Variants in RGS7 observed in about 807,000 individuals in gnomAD.
RGS7 encodes regulator of G-protein signaling 7.
RGS7 carries 27 observed loss-of-function variants against 81.1 expected under a neutral mutation model. That is an observed-to-expected ratio of 0.33 (90% CI 0.25 to 0.46). The LOEUF (loss-of-function observed/expected upper bound fraction) is 0.46. Among genes scored for constraint, RGS7 ranks in the 20% least tolerant of loss-of-function variants. The pLI is 1.00. For missense variants in RGS7, 396 were observed against 607.4 expected (o/e 0.65, Z 3.66); for synonymous variants, 208 against 207.7 (o/e 1.00, Z -0.01).
chr1:240,999,789 G>C (rs917052395), intron 3 of RGS7, among the ~76,000 whole-genome samples: 1 of 151,480 alleles, frequency 6.6e-6, no homozygotes, highest in Non-Finnish European at 1.5e-5. Flanking sequence ...TCCCAGTAGA[G>C]ACGGGGTTTC....
intron 5 of RGS7, among the ~76,000 whole-genome samples, chr1:240,936,198 T>G (rs976526655): frequency 1.3e-5 from 2 of 152,222 alleles, no homozygotes; most frequent in Admixed American, 6.5e-5. Context: ...GAGAGTTTAT[T>G]AATTAGCTGA....
rs1438963373 is a variant in RGS7, at chr1:240,986,881, C to CTAATT, written c.176-3753_176-3752insAATTA. Among the ~76,000 whole-genome samples, 4 of 1,368 alleles carry CTAATT rather than the reference C, an allele frequency of 2.9e-3. 1 individual carries two copies. The highest frequency in any genetic ancestry group is 2.8e-3 in the Non-Finnish European group (2 of 714). The allele number at this position is 1,368 out of a possible 152,430, so 0.9% of individuals were successfully genotyped here. A position where few individuals can be genotyped will look rare whatever the true frequency, so the allele number is the denominator to read the frequency against. ...ACAGGCGTGAGCCACCGCGCCCGGC[C>CTAATT]TAAACACCACTATTATTAAACATGA... On this transcript the variant is annotated intron_variant, in intron 3 of 18. Transcript: ENST00000440928.
intron 3 of RGS7, among the ~76,000 whole-genome samples, chr1:241,058,114 G>T (rs1350797365): frequency 6.6e-6 from 1 of 152,126 alleles, no homozygotes; most frequent in Non-Finnish European, 1.5e-5. Flanking sequence ...ACCTGAAACT[G>T]GTTATCATCA....
chr1:241,229,625 A>C (rs2686231), intron 2 of RGS7, among the ~76,000 whole-genome samples: 27,254 of 152,194 alleles, frequency 0.18, 3,009 homozygotes, highest in African/African-American at 0.32. Flanking sequence ...TAAAATATTG[A>C]AAGAGCTTTT....
intron 18 of RGS7, among the ~76,000 whole-genome samples, chr1:240,796,453 A>G (rs1251572506): frequency 6.6e-6 from 1 of 152,142 alleles, no homozygotes; most frequent in Non-Finnish European, 1.5e-5. Context: ...TGGGAAGCTG[A>G]GGTGGGCAGA....
At chr1:241,254,067 G>T (rs1297584831) in intron 2 of RGS7, among the ~76,000 whole-genome samples, 2 of 152,056 alleles carry the variant, frequency 1.3e-5, no homozygotes, top group Non-Finnish European at 2.9e-5. Context: ...GGATGTAGTG[G>T]TGGGCGCCTG....
At chr1:241,210,153 A>ATT (rs1181238563) in intron 2 of RGS7, among the ~76,000 whole-genome samples, 22 of 151,848 alleles carry the variant, frequency 1.4e-4, no homozygotes, top group African/African-American at 5.1e-4. Context: ...ATATATATAT[A>ATT]TATTTTTTCT....
chr1:241,306,465 C>A (rs373665491), intron 2 of RGS7, among the ~76,000 whole-genome samples: 1 of 150,052 alleles, frequency 6.7e-6, no homozygotes. Context: ...CATATGCACA[C>A]GTCCACTCAC....
At chr1:240,876,288 C>T (rs1018201484) in intron 6 of RGS7, among the ~76,000 whole-genome samples, 8 of 152,218 alleles carry the variant, frequency 5.3e-5, no homozygotes, top group South Asian at 4.1e-4. Context: ...AGATAAGGCG[C>T]GGTCACCCCT....
intron 5 of RGS7, among the ~76,000 whole-genome samples, chr1:240,935,592 C>T (rs1290650106): frequency 6.6e-6 from 1 of 152,112 alleles, no homozygotes; most frequent in Non-Finnish European, 1.5e-5. Flanking sequence ...AGAAATGAGT[C>T]CAAGGAAGGG....
intron 18 of RGS7, among the ~76,000 whole-genome samples, chr1:240,793,611 A>ATATTTTTTTTTTT: frequency 7.6e-5 from 6 of 78,872 alleles, no homozygotes; most frequent in African/African-American, 5.8e-4. Flanking sequence ...ATATATATAT[A>ATATTTTTTTTTTT]TTTTTTTTTT....
chr1:241,169,406 C>T (rs536506763), intron 2 of RGS7, among the ~76,000 whole-genome samples: 147 of 133,304 alleles, frequency 1.1e-3, no homozygotes, highest in African/African-American at 3.8e-3. Context: ...TGCAGTGGCG[C>T]GATCTTGGGT....
intron 2 of RGS7, among the ~76,000 whole-genome samples, chr1:241,333,172 G>A (rs568462374): frequency 1.3e-5 from 2 of 152,280 alleles, no homozygotes; most frequent in South Asian, 4.2e-4. Context: ...TAAAGGCATC[G>A]ACTGCTACAA....
chr1:241,304,241 C>T (rs940290973), intron 2 of RGS7, among the ~76,000 whole-genome samples: 2 of 152,138 alleles, frequency 1.3e-5, no homozygotes, highest in African/African-American at 4.8e-5. Context: ...TATATTTTAA[C>T]AGGATCACTC....
Position 241,014,134 on chromosome 1 carries a change from C to G in RGS7, c.176-31005G>C, listed in dbSNP as rs191788686. 9.7e-3 allele frequency among the ~76,000 whole-genome samples: 1,481 copies of G among 152,294 alleles called. 9 individuals are homozygous for G. The highest frequency in any genetic ancestry group is 0.015 in the Non-Finnish European group (1,020 of 68,024). ...GCTGCCAAATATCAGATTCACATGA[C>G]CAAGCCTATGTTTTCATCTTCTTCT... On this transcript the variant is annotated intron_variant, in intron 3 of 18. Coordinates refer to ENST00000440928, the MANE Select transcript of RGS7 (RefSeq NM_001364886.1).
chr1:240,888,819 G>C (rs1476209096), intron 6 of RGS7, among the ~76,000 whole-genome samples: 5 of 152,240 alleles, frequency 3.3e-5, no homozygotes, highest in Admixed American at 2.6e-4. Flanking sequence ...AATCGACTCA[G>C]TTAACCACTA....
At chr1:241,291,035 T>C (rs7550277) in intron 2 of RGS7, among the ~76,000 whole-genome samples, 20,712 of 152,162 alleles carry the variant, frequency 0.14, 1,533 homozygotes, top group Middle Eastern at 0.18. Flanking sequence ...CTTTTCTTGA[T>C]TTAAAGGATT....
chr1:241,083,798 C>T (rs2063286173), intron 3 of RGS7, among the ~76,000 whole-genome samples: 1 of 152,126 alleles, frequency 6.6e-6, no homozygotes, highest in Admixed American at 6.6e-5. Flanking sequence ...ATTTCTGACA[C>T]AATGTTTTAT....
rs563406771 is a variant in RGS7, at chr1:241,356,382, C to T, written c.-51+517G>A. Among the ~76,000 whole-genome samples, 86 of 152,320 alleles carry T rather than the reference C, an allele frequency of 5.6e-4. 1 individual carries two copies. The highest frequency in any genetic ancestry group is 1.8e-3 in the African/African-American group (75 of 41,582). On this transcript the variant is annotated intron_variant, in intron 1 of 18. Transcript: ENST00000440928. The stretch of plus-strand genomic sequence containing the variant: ...CTCCCACACAGAGCCGGAGTATATG[C>T]TTCGCCTACTTTCACCTGCCTGCGC...
Sources: allele counts gnomAD v4.1 joint callset (sites outside exome capture counted in the v4.1 genomes callset), GRCh38; gene constraint gnomAD v4.1.1; transcripts MANE v1.5; gene names NCBI Gene and HGNC (gene_info 2026-07-23, HGNC 2026-07-21).